The following ZNF264 variants were observed in gnomAD, a reference collection of about 807,000 sequenced individuals.
The protein encoded by ZNF264 is zinc finger protein 264.
A neutral mutation model predicts 11.2 loss-of-function variants in ZNF264; 11 were observed. The ratio of observed to expected loss-of-function variants is 0.98; its 90% CI spans 0.62 to 1.63. The LOEUF (loss-of-function observed/expected upper bound fraction) is 1.63, where lower values mean the gene tolerates loss of function less well. Ranked by LOEUF, ZNF264 falls within the 40% of genes most tolerant of loss-of-function variation. The pLI is 0.00. For missense variants in ZNF264, 752 were observed against 768.1 expected (o/e 0.98, Z 0.25); for synonymous variants, 309 against 279.8 (o/e 1.10, Z -1.04).
chr19:57,192,890 CCTGA>C (rs1010589173), intron 1 of ZNF264, among the ~76,000 whole-genome samples: 1 of 115,992 alleles, frequency 8.6e-6, no homozygotes, highest in African/African-American at 4.6e-5. Context: ...CACTACCACA[CCTGA>C]CTGATTTTTG....
At chr19:57,196,346 A>G (rs2122735995) in intron 2 of ZNF264, among the ~76,000 whole-genome samples, 1 of 152,122 alleles carries the variant, frequency 6.6e-6, no homozygotes, top group Non-Finnish European at 1.5e-5. Flanking sequence ...ACCCATATCC[A>G]GAGTAAGTGT....
In ZNF264 at chr19:57,217,784, CTTTTTTTTTTT is replaced by C. The variant is rs397859356; in HGVS notation, c.*4815_*4825del. 1.8e-5 allele frequency: 2 copies of C among 108,490 alleles called. No homozygotes were observed. Among genetic ancestry groups the C allele is most frequent in the Admixed American group, 2.2e-4 (2 of 9,282 alleles). 6.7% of individuals were successfully genotyped at this position (108,490 alleles called of 1,614,324 possible). A position where few individuals can be genotyped will look rare whatever the true frequency, so the allele number is the denominator to read the frequency against. On this transcript the variant is annotated 3_prime_UTR_variant, in exon 4 of 4. Coordinates refer to ENST00000263095, the MANE Select transcript of ZNF264 (RefSeq NM_003417.5). Reference sequence around the variant, plus strand: ...GTCATGAGAAACATTGTCTCTTGACCTTTTTTTTTTTTTTTTTTTTTTAAAGAGACAGAGTC... The same window carrying C: ...GTCATGAGAAACATTGTCTCTTGACCTTTTTTTTTTTAAAGAGACAGAGTC...
chr19:57,194,211 G>A (rs190256548), intron 2 of ZNF264: 1 of 630,114 alleles, frequency 1.6e-6, no homozygotes, highest in Non-Finnish European at 2.5e-6. Context: ...CCCAGCCAAA[G>A]GAGAAGGTGG....
At chr19:57,199,366 G>C (rs142870991) in intron 2 of ZNF264, among the ~76,000 whole-genome samples, 14 of 151,958 alleles carry the variant, frequency 9.2e-5, no homozygotes, top group African/African-American at 3.4e-4. Context: ...GGGATGAGTA[G>C]GTCTAAAGTG....
At chr19:57,208,682 A>G (rs910402131) in intron 3 of ZNF264, among the ~76,000 whole-genome samples, 3 of 152,188 alleles carry the variant, frequency 2.0e-5, no homozygotes, top group South Asian at 2.1e-4. Flanking sequence ...CCACTTGTGG[A>G]GGTGCATTTT....
At chr19:57,195,460 G>T (rs940850196) in intron 2 of ZNF264, among the ~76,000 whole-genome samples, 28 of 152,158 alleles carry the variant, frequency 1.8e-4, no homozygotes, top group Admixed American at 1.8e-3. Flanking sequence ...TGCACATTCT[G>T]TATTCACTTT....
Position 57,212,880 on chromosome 19 carries a change from T to C in ZNF264, c.1783T>C (p.Leu595=), listed in dbSNP as rs768191057. ...AGAACTTCTTTTAGGGAAGGACTTT[T>C]TGAATGTAACCACTGAGGCAAATAT... is the stretch of plus-strand genomic sequence containing the variant. ...LRELLLGKDF[L]NVTTEANILP... is the part of the protein sequence containing the mutation. The change falls in exon 4 of 4, where the codon TTG becomes CTG. Residue 595 remains leucine, a synonymous_variant. Coordinates refer to ENST00000263095, the MANE Select transcript of ZNF264 (RefSeq NM_003417.5). 1.9e-6 allele frequency: 3 copies of C among 1,614,226 alleles called. No individual in the cohort carries two copies. In the South Asian group the frequency reaches 3.3e-5, roughly 18 times the overall value.
At chr19:57,194,336 T>G (rs1599944329) in intron 2 of ZNF264, among the ~76,000 whole-genome samples, 2 of 152,210 alleles carry the variant, frequency 1.3e-5, no homozygotes, top group Non-Finnish European at 2.9e-5. Context: ...TCTGTCTGGG[T>G]CTGCTCATGT....
rs756898494 is a variant in ZNF264 at position 57,211,728 on chromosome 19, GTATT to G, written c.634_637del (p.Phe212ThrfsTer39). The stretch of plus-strand genomic sequence containing the variant: ...CTTTAAATGCAGTGAATGTGGAAAA[GTATT>G]TAACAAGAAACACCTCCTTGCTGGA... On this transcript the variant is annotated frameshift_variant, in exon 4 of 4. Coordinates refer to ENST00000263095, the MANE Select transcript of ZNF264 (RefSeq NM_003417.5). LOFTEE classifies it low-confidence loss of function (END_TRUNC). 1 of 1,614,190 alleles carries G rather than the reference GTATT, an allele frequency of 6.2e-7. No homozygotes were observed. Among genetic ancestry groups the G allele is most frequent in the Non-Finnish European group, 8.5e-7 (1 of 1,180,022 alleles).
chr19:57,212,375 C>T lies in ZNF264; in HGVS notation c.1278C>T (p.Pro426=). ...AGCGGATTCACACTGGGGAGAAGCC[C>T]TTCGTGTGCAGTGAATGTGGAAAGG... ...RHQRIHTGEK[P]FVCSECGKAF... is the part of the protein sequence containing the mutation. The change falls in exon 4 of 4, where the codon CCC becomes CCT. Residue 426 remains proline (P), a synonymous_variant. Transcript: ENST00000263095. 2 of 1,613,426 alleles carry T rather than the reference C, an allele frequency of 1.2e-6. No homozygotes were observed. Among genetic ancestry groups the T allele is most frequent in the South Asian group, 2.2e-5 (2 of 91,038 alleles).
rs1319274981 is a variant in ZNF264, at chr19:57,217,538, TCCCTAG to T, written c.*4558_*4563del. 6.6e-6 allele frequency: 1 copy of T among 151,514 alleles called. No homozygotes were observed. The highest frequency in any genetic ancestry group is 2.0e-4 in the East Asian group (1 of 5,094). The allele number at this position is 151,514 out of a possible 1,614,324, so 9.4% of individuals were successfully genotyped here. On this transcript the variant is annotated 3_prime_UTR_variant, in exon 4 of 4. Coordinates refer to ENST00000263095, the MANE Select transcript of ZNF264 (RefSeq NM_003417.5). The stretch of plus-strand genomic sequence containing the variant: ...GTTCAAGCAATTAACTGCCTCAGCT[TCCCTAG>T]TAATGGATTACAGGCGCCCGCCACC...
At chr19:57,194,378 A>G (rs2087197088) in intron 2 of ZNF264, among the ~76,000 whole-genome samples, 1 of 152,126 alleles carries the variant, frequency 6.6e-6, no homozygotes, top group Admixed American at 6.5e-5. Context: ...TTTCTGCCTT[A>G]GTGAGTTCAA....
chr19:57,201,171 A>G (rs990533126), intron 2 of ZNF264, among the ~76,000 whole-genome samples: 8 of 151,962 alleles, frequency 5.3e-5, no homozygotes, highest in Non-Finnish European at 1.0e-4. Flanking sequence ...ATGGTACATA[A>G]GGTTTAAAAG....
At chr19:57,209,601 A>T (rs997295746) in intron 3 of ZNF264, among the ~76,000 whole-genome samples, 7 of 152,054 alleles carry the variant, frequency 4.6e-5, no homozygotes, top group Non-Finnish European at 1.0e-4. Flanking sequence ...TTTAAGAGAA[A>T]AGGTCTTGCT....
intron 1 of ZNF264, among the ~76,000 whole-genome samples, chr19:57,193,331 A>G (rs1393342663): frequency 6.6e-6 from 1 of 152,224 alleles, no homozygotes; most frequent in Non-Finnish European, 1.5e-5. Flanking sequence ...AGCATTGAAT[A>G]CTTTAAATTT....
At chr19:57,202,884 G>T (rs1481238448) in intron 2 of ZNF264, among the ~76,000 whole-genome samples, 2 of 149,514 alleles carry the variant, frequency 1.3e-5, no homozygotes, top group South Asian at 4.1e-4. Context: ...ACTTGTGACT[G>T]GAGTGCAGGG....
chr19:57,217,056 A>T lies in ZNF264; in HGVS notation c.*4075A>T, dbSNP rs998377637. ...CCTTCAGAATGCTCAGAAAATTTAC[A>T]TTAGCCTGCAGTTGGGCAAAATCAT... On this transcript the variant is annotated 3_prime_UTR_variant, in exon 4 of 4. Transcript: ENST00000263095. 1 of 152,196 alleles carries T rather than the reference A, an allele frequency of 6.6e-6. No individual in the cohort carries two copies. Among genetic ancestry groups the T allele is most frequent in the Non-Finnish European group, 1.5e-5 (1 of 68,040 alleles). 9.4% of individuals were successfully genotyped at this position (152,196 alleles called of 1,614,324 possible). A position where few individuals can be genotyped will look rare whatever the true frequency, so the allele number is the denominator to read the frequency against.
At chr19:57,192,172 C>G (rs902747399) in intron 1 of ZNF264, among the ~76,000 whole-genome samples, 1 of 152,082 alleles carries the variant, frequency 6.6e-6, no homozygotes, top group East Asian at 1.9e-4. Flanking sequence ...TCTGGGGACT[C>G]CCATCATCCT....
intron 3 of ZNF264, among the ~76,000 whole-genome samples, chr19:57,208,890 T>C (rs955979497): frequency 6.6e-6 from 1 of 152,226 alleles, no homozygotes; most frequent in South Asian, 2.1e-4. Context: ...TAGTCTCGTG[T>C]TCTTGATTTC....
Sources: gnomAD v4.1 joint callset for allele counts (sites outside exome capture counted in the v4.1 genomes callset) on GRCh38, gnomAD v4.1.1 for gene constraint, MANE v1.5 for transcripts, NCBI Gene and HGNC (gene_info 2026-07-23, HGNC 2026-07-21) for gene names.